Variants in ACTN1 observed in about 807,000 individuals in gnomAD.
ACTN1 encodes the protein alpha-actinin-1.
Under a neutral mutation model 119.6 loss-of-function variants are expected in ACTN1, and 30 were observed. The ratio of observed to expected loss-of-function variants is 0.25; its 90% CI spans 0.19 to 0.34. ACTN1 has a LOEUF of 0.34. Ranked by LOEUF, ACTN1 falls within the 10% of genes least tolerant of loss-of-function variation. ACTN1 has a pLI of 1.00. For synonymous variants in ACTN1, 429 were observed against 472.6 expected, an observed-to-expected ratio of 0.91 and a Z score of 1.20; for missense variants, 764 against 1,223.4, an observed-to-expected ratio of 0.62 and a Z score of 5.60.
chr14:68,879,802 T>C lies in ACTN1; in HGVS notation c.2280+160A>G, dbSNP rs1223238316. 7.0e-6 allele frequency: 7 copies of C among 993,032 alleles called. No homozygotes were observed. The highest frequency in any genetic ancestry group is 1.0e-5 in the Non-Finnish European group (7 of 691,258). 61.5% of individuals were successfully genotyped at this position (993,032 alleles called of 1,614,324 possible). On this transcript the variant is annotated intron_variant, in intron 18 of 21. Transcript: ENST00000394419. The surrounding 1 kb of genome is among the most constrained non-coding windows in gnomAD (Gnocchi z 4.9). ...GGCACCAACACAGGTTTTCCAAGGC[T>C]GGTTTTGCAGGGTGCATTGAGTCAG...
In ACTN1 at chr14:68,885,390, C is replaced by A; in HGVS notation, c.1385+35G>T. The A allele has an allele frequency of 1.9e-6, 3 of 1,580,626 alleles. No homozygotes were observed. The highest frequency in any genetic ancestry group is 2.6e-6 in the Non-Finnish European group (3 of 1,159,374). On this transcript the variant is annotated intron_variant, in intron 12 of 21. Coordinates refer to ENST00000394419, the MANE Select transcript of ACTN1 (RefSeq NM_001130004.2). The surrounding 1 kb of genome is among the most constrained non-coding windows in gnomAD (Gnocchi z 5.6). ...AGCTGAGAAAGCCCAGCCTCAGCCCCTCACCACAGGGTAGGGGTGTCTGGG... is the reference window on the plus strand; with the variant it reads ...AGCTGAGAAAGCCCAGCCTCAGCCCATCACCACAGGGTAGGGGTGTCTGGG...
intron 1 of ACTN1, among the ~76,000 whole-genome samples, chr14:68,968,887 G>A (rs1259414141): frequency 1.3e-5 from 2 of 152,356 alleles, no homozygotes; most frequent in Non-Finnish European, 2.9e-5. Flanking sequence ...GCAGGGCAGC[G>A]GGACGCAGGG....
chr14:68,896,894 A>G (rs11621869), intron 8 of ACTN1, among the ~76,000 whole-genome samples: 21,952 of 152,256 alleles, frequency 0.14, 1,801 homozygotes, highest in African/African-American at 0.21. Flanking sequence ...TCTGGAAATG[A>G]GCAAAATGTT....
rs2031030431 is a variant in ACTN1, at chr14:68,877,413, G to C, written c.2428-173C>G. ...ATGATGGGGACACAACACCCAACAG[G>C]GGAGACCCAGCTCAGGGTTCCCCAC... is the stretch of plus-strand genomic sequence containing the variant. On this transcript the variant is annotated intron_variant, in intron 20 of 21. Transcript: ENST00000394419. 4 of 689,454 alleles carry C rather than the reference G, an allele frequency of 5.8e-6. No homozygotes were observed. The South Asian group carries it at 8.0e-5, about 14-fold the overall frequency. 42.7% of individuals were successfully genotyped at this position (689,454 alleles called of 1,614,324 possible).
rs191787284 is a variant in ACTN1 at position 68,958,180 on chromosome 14, C to T, written c.105+20772G>A. Among the ~76,000 whole-genome samples the T allele has an allele frequency of 4.8e-4, 73 of 152,258 alleles. No individual in the cohort carries two copies. In the East Asian group the frequency reaches 0.013, roughly 26 times the overall value. ...TTAGACATTTAAAAGTTTTCTAAAC[C>T]GCTTTCTATGATTAACAGATTAATA... is the stretch of plus-strand genomic sequence containing the variant. On this transcript the variant is annotated intron_variant, in intron 1 of 21. Transcript: ENST00000394419.
At chr14:68,934,555 G>T (rs2035394498) in intron 1 of ACTN1, among the ~76,000 whole-genome samples, 1 of 152,250 alleles carries the variant, frequency 6.6e-6, no homozygotes, top group Non-Finnish European at 1.5e-5. Context: ...AACTCACCAA[G>T]GTGAACTAAG....
intron 1 of ACTN1, among the ~76,000 whole-genome samples, chr14:68,949,247 C>T (rs1433430930): frequency 6.6e-6 from 1 of 152,176 alleles, no homozygotes; most frequent in Non-Finnish European, 1.5e-5. Context: ...AAAGTAAGCT[C>T]GGGGTCCCCG....
intron 1 of ACTN1, among the ~76,000 whole-genome samples, chr14:68,945,270 GA>G (rs370456926): frequency 0.09 from 13,242 of 146,416 alleles, 879 homozygotes; most frequent in African/African-American, 0.18. Context: ...TCAAAAAACT[GA>G]AAAAAAAAAA....
At chr14:68,977,161 G>A (rs2037088614) in intron 1 of ACTN1, among the ~76,000 whole-genome samples, 1 of 152,064 alleles carries the variant, frequency 6.6e-6, no homozygotes, top group East Asian at 1.9e-4. Context: ...AACCCCCAGG[G>A]AAGACCCCAA....
At chr14:68,936,681 G>A in intron 1 of ACTN1, 1 of 630,950 alleles carries the variant, frequency 1.6e-6, no homozygotes, top group Non-Finnish European at 3.1e-6. Flanking sequence ...GCCGGGTGAA[G>A]TCCTGGGCAA....
chr14:68,927,408 C>G (rs953935211), intron 1 of ACTN1, among the ~76,000 whole-genome samples: 4 of 152,210 alleles, frequency 2.6e-5, no homozygotes, highest in African/African-American at 9.7e-5. Flanking sequence ...CCCAGAGACC[C>G]AGGGCACAGA....
At chr14:68,923,981 C>T (rs2034784579) in intron 2 of ACTN1, among the ~76,000 whole-genome samples, 1 of 152,094 alleles carries the variant, frequency 6.6e-6, no homozygotes, top group East Asian at 1.9e-4. Context: ...ATGGATGAAC[C>T]GTGAAGACAC....
rs981640245 is a variant in ACTN1, at chr14:68,925,416, C to A, written c.220+142G>T. On this transcript the variant is annotated intron_variant, in intron 2 of 21. Transcript: ENST00000394419. This position sits in a 1 kb window ranked among gnomAD's most constrained non-coding sequence, Gnocchi z 4.3. ...GCAGCAGAACCAGAACTCAGACCCACGCTCCTAGGATGAATTCATACATGT... is the reference window on the plus strand; with the variant it reads ...GCAGCAGAACCAGAACTCAGACCCAAGCTCCTAGGATGAATTCATACATGT... 64 of 453,648 alleles carry A rather than the reference C, an allele frequency of 1.4e-4. No homozygotes were observed. Among genetic ancestry groups the A allele is most frequent in the African/African-American group, 1.3e-3 (61 of 48,690 alleles). The allele number at this position is 453,648 out of a possible 1,614,324, so 28.1% of individuals were successfully genotyped here.
rs575831222 is a variant in ACTN1 at position 68,946,127 on chromosome 14, G to A, written c.106-20455C>T. 4.3e-4 allele frequency among the ~76,000 whole-genome samples: 65 copies of A among 152,088 alleles called. 1 individual carries two copies. In the South Asian group the frequency reaches 0.012, roughly 28 times the overall value. ...GCCTGGCAGCAGGTCACCGTGCCCC[G>A]GCCACACTCTCACAACTGTCCGTAA... On this transcript the variant is annotated intron_variant, in intron 1 of 21. Transcript: ENST00000394419.
intron 3 of ACTN1, among the ~76,000 whole-genome samples, chr14:68,916,469 C>G (rs773549279): frequency 1.3e-5 from 2 of 152,226 alleles, no homozygotes; most frequent in African/African-American, 2.4e-5. Context: ...TAGTTTCACT[C>G]CAGAAAACAG....
intron 1 of ACTN1, among the ~76,000 whole-genome samples, chr14:68,933,862 A>T (rs191638714): frequency 5.3e-5 from 8 of 152,172 alleles, no homozygotes; most frequent in Admixed American, 4.6e-4. Context: ...CTGTAGTCCC[A>T]GCTCCTCAGT....
intron 1 of ACTN1, among the ~76,000 whole-genome samples, chr14:68,959,547 C>T (rs2036457525): frequency 6.6e-6 from 1 of 152,168 alleles, no homozygotes; most frequent in South Asian, 2.1e-4. Context: ...CCAGGAAGCT[C>T]AGAACCAGGG....
intron 1 of ACTN1, among the ~76,000 whole-genome samples, chr14:68,970,878 G>A (rs901748147): frequency 1.3e-5 from 2 of 152,154 alleles, no homozygotes; most frequent in South Asian, 4.1e-4. Flanking sequence ...TCTACTTCCA[G>A]GCTACGGAAA....
At chr14:68,876,070 C>G (rs538961533) in intron 21 of ACTN1, among the ~76,000 whole-genome samples, 26 of 152,308 alleles carry the variant, frequency 1.7e-4, no homozygotes, top group Middle Eastern at 6.8e-3. Context: ...AATCTTGGCT[C>G]ACTGCAACCT....
Sources: gnomAD v4.1 joint callset for allele counts (sites outside exome capture counted in the v4.1 genomes callset) on GRCh38, gnomAD v4.1.1 for gene constraint, Gnocchi (gnomAD v3.1) non-coding constraint, MANE v1.5 for transcripts, NCBI Gene and HGNC (gene_info 2026-07-23, HGNC 2026-07-21) for gene names.